The following EFCAB8 variants were observed in gnomAD, a reference collection of about 807,000 sequenced individuals.
The protein encoded by EFCAB8 is EF-hand calcium binding domain 8, also known as EF-hand calcium-binding domain-containing protein 8.
EFCAB8 carries 100 observed loss-of-function variants against 116.3 expected under a neutral mutation model. The ratio of observed to expected loss-of-function variants is 0.86; its 90% CI spans 0.73 to 1.02. EFCAB8 has a LOEUF of 1.02. Among genes scored for constraint, EFCAB8 ranks in the 50% least tolerant of loss-of-function variants. EFCAB8 has a pLI of 0.00. For missense variants in EFCAB8, 1,320 were observed against 1,416.9 expected (o/e 0.93, Z 1.10); for synonymous variants, 558 against 567.9 (o/e 0.98, Z 0.25).
At chr20:32,910,585 C>T (rs1029167175) in intron 15 of EFCAB8, among the ~76,000 whole-genome samples, 1 of 152,138 alleles carries the variant, frequency 6.6e-6, no homozygotes, top group Non-Finnish European at 1.5e-5. Context: ...CCATTCTGGG[C>T]TTCTCTCCCA....
Position 32,906,900 on chromosome 20 carries a change from C to A in EFCAB8, c.1214C>A (p.Pro405His), listed in dbSNP as rs895685387. 7.1e-6 allele frequency: 11 copies of A among 1,551,162 alleles called. 1 individual carries two copies. In the Admixed American group the frequency reaches 2.2e-4, roughly 30 times the overall value. ...RLWNPFVSKRPVWLMKGHQTS... is the reference protein window; with the variant it reads ...RLWNPFVSKRHVWLMKGHQTS... The stretch of plus-strand genomic sequence containing the variant: ...TGGAACCCCTTTGTCTCAAAGAGGC[C>A]CGTGTGGCTGATGAAGGGACACCAG... Residue 405 changes from proline (P) to histidine (H), a missense_variant, in exon 13 of 27, where the codon CCC (proline) becomes CAC (histidine). Coordinates refer to ENST00000400522, the MANE Select transcript of EFCAB8 (RefSeq NM_001143967.2).
intron 20 of EFCAB8, among the ~76,000 whole-genome samples, chr20:32,929,543 A>G (rs928187099): frequency 2.6e-5 from 3 of 116,900 alleles, no homozygotes; most frequent in Non-Finnish European, 3.2e-5. Flanking sequence ...GGGTCTCACT[A>G]TGTTGCACAG....
At chr20:32,915,383 T>A (rs997190193) in intron 17 of EFCAB8, among the ~76,000 whole-genome samples, 1 of 152,242 alleles carries the variant, frequency 6.6e-6, no homozygotes, top group Non-Finnish European at 1.5e-5. Flanking sequence ...AACACAAATA[T>A]AATTCAGCAA....
intron 22 of EFCAB8, among the ~76,000 whole-genome samples, chr20:32,939,729 C>G (rs1988328025): frequency 7.2e-6 from 1 of 139,472 alleles, no homozygotes. Context: ...GAGTCTTGCT[C>G]TGGTACCCAG....
intron 1 of EFCAB8, among the ~76,000 whole-genome samples, chr20:32,860,493 CTTTTTTTTTTTTTTTTTT>C (rs71190881): frequency 1.8e-4 from 15 of 83,994 alleles, no homozygotes; most frequent in African/African-American, 7.0e-4. Flanking sequence ...ATGGTGGTAA[CTTTTTTTTTTTTTTTTTT>C]TTTTTTTTTT....
Position 32,860,079 on chromosome 20 carries a change from C to T in EFCAB8, c.-11+1073C>T, listed in dbSNP as rs994979422. On this transcript the variant is annotated intron_variant, in intron 1 of 26. Transcript: ENST00000400522. Reference sequence around the variant, plus strand: ...CAGCACTTTGGGAAGCCAAGGCGGGCGGAAAGCACTTGAGGCCAAGGAGTT... The same window carrying T: ...CAGCACTTTGGGAAGCCAAGGCGGGTGGAAAGCACTTGAGGCCAAGGAGTT... Among the ~76,000 whole-genome samples the T allele has an allele frequency of 4.6e-5, 7 of 152,216 alleles. No individual in the cohort carries two copies. In the South Asian group the frequency reaches 1.4e-3, roughly 32 times the overall value.
At chr20:32,886,792 C>T (rs1351916176) in intron 6 of EFCAB8, among the ~76,000 whole-genome samples, 4 of 152,206 alleles carry the variant, frequency 2.6e-5, no homozygotes, top group African/African-American at 7.2e-5. Flanking sequence ...CTGGATTCTT[C>T]CTGGAGGGGC....
chr20:32,950,662 C>T (rs1988770476), intron 23 of EFCAB8, among the ~76,000 whole-genome samples: 2 of 152,152 alleles, frequency 1.3e-5, no homozygotes, highest in African/African-American at 4.8e-5. Context: ...AGGCAAATCC[C>T]CCGGGTTGCT....
Position 32,930,559 on chromosome 20 carries a change from G to C in EFCAB8, c.2574G>C (p.Met858Ile), listed in dbSNP as rs1317041022. The C allele has an allele frequency of 6.4e-7, 1 of 1,552,336 alleles. No individual in the cohort carries two copies. Among genetic ancestry groups the C allele is most frequent in the Non-Finnish European group, 8.7e-7 (1 of 1,147,124 alleles). ...LDNGDVVVGA[M>I]ATDKNDWILI... Reference sequence around the variant, plus strand: ...ATGGGGATGTTGTCGTGGGTGCCATGGCCACTGATAAAAATGACTGGATCC... The same window carrying C: ...ATGGGGATGTTGTCGTGGGTGCCATCGCCACTGATAAAAATGACTGGATCC... The change falls in exon 21 of 27, where the codon ATG becomes ATC. Residue 858 changes from methionine (M) to isoleucine (I), a missense_variant. Coordinates refer to ENST00000400522, the MANE Select transcript of EFCAB8 (RefSeq NM_001143967.2).
Position 32,930,395 on chromosome 20 carries a change from C to G in EFCAB8, c.2413-3C>G, listed in dbSNP as rs1467845939. 1 of 1,549,420 alleles carries G rather than the reference C, an allele frequency of 6.5e-7. No homozygotes were observed. The highest frequency in any genetic ancestry group is 1.4e-5 in the African/African-American group (1 of 73,020). Reference sequence around the variant, plus strand: ...CTGAGCCGGGCCCTCCTCTCTTCCTCAGATAATCTTCCTGCAGACCAGGCC... The same window carrying G: ...CTGAGCCGGGCCCTCCTCTCTTCCTGAGATAATCTTCCTGCAGACCAGGCC... On this transcript the variant is annotated splice_polypyrimidine_tract_variant and splice_region_variant and intron_variant, in intron 20 of 26. Transcript: ENST00000400522.
intron 8 of EFCAB8, 28 bp downstream of exon 8, chr20:32,892,325 T>C: frequency 1.3e-6 from 2 of 1,548,550 alleles, no homozygotes; most frequent in Non-Finnish European, 1.7e-6. Context: ...GTTCCTCACA[T>C]GAACCAGGAG....
chr20:32,926,260 AG>A (rs1987665103), intron 20 of EFCAB8, among the ~76,000 whole-genome samples: 1 of 152,260 alleles, frequency 6.6e-6, no homozygotes, highest in South Asian at 2.1e-4. Context: ...ACCACATTTT[AG>A]AAAAATACTT....
At chr20:32,888,687 A>G (rs1368526560) in intron 6 of EFCAB8, among the ~76,000 whole-genome samples, 1 of 152,116 alleles carries the variant, frequency 6.6e-6, no homozygotes, top group Non-Finnish European at 1.5e-5. Context: ...AGCATATTAT[A>G]ATGTTGCTTT....
chr20:32,867,496 G>C, intron 2 of EFCAB8, 86 bp from the exon 3 acceptor site: 1 of 1,403,064 alleles, frequency 7.1e-7, no homozygotes, highest in East Asian at 2.5e-5. Context: ...CTTTCTCAAA[G>C]AGTCTCTCTT....
intron 3 of EFCAB8, among the ~76,000 whole-genome samples, chr20:32,874,555 T>TC (rs1984850377): frequency 6.6e-6 from 1 of 151,558 alleles, no homozygotes; most frequent in Admixed American, 6.6e-5. Context: ...TTCCTTTTTC[T>TC]TTTTTTGAGA....
chr20:32,961,039 C>T, intron 26 of EFCAB8, 97 bp from the exon 27 acceptor site: 8 of 1,069,242 alleles, frequency 7.5e-6, no homozygotes, highest in Non-Finnish European at 9.7e-6. Flanking sequence ...CATGGGAAGA[C>T]CTCAGGGCGC....
At chr20:32,880,087 G>A (rs188296906) in intron 5 of EFCAB8, among the ~76,000 whole-genome samples, 1 of 152,250 alleles carries the variant, frequency 6.6e-6, no homozygotes, top group Non-Finnish European at 1.5e-5. Context: ...TGGGTCCTGA[G>A]ATACAAGGTG....
chr20:32,864,905 C>T (rs1223386560), intron 2 of EFCAB8, among the ~76,000 whole-genome samples: 1 of 152,236 alleles, frequency 6.6e-6, no homozygotes, highest in African/African-American at 2.4e-5. Flanking sequence ...ACTGGGGCTT[C>T]ACATGTATTC....
intron 17 of EFCAB8, among the ~76,000 whole-genome samples, chr20:32,914,229 A>G (rs1241958795): frequency 6.6e-6 from 1 of 152,220 alleles, no homozygotes; most frequent in African/African-American, 2.4e-5. Context: ...GTGCCTGTGA[A>G]GTTAAGCGAT....
Sources: allele counts gnomAD v4.1 joint callset (sites outside exome capture counted in the v4.1 genomes callset), GRCh38; gene constraint gnomAD v4.1.1; transcripts MANE v1.5; gene names NCBI Gene and HGNC (gene_info 2026-07-23, HGNC 2026-07-21).